DCAF8L2: variants seen among roughly 807,000 people sequenced by gnomAD.
The protein encoded by DCAF8L2 is DDB1 and CUL4 associated factor 8 like 2.
For missense variants in DCAF8L2, 430 were observed against 490.7 expected, an observed-to-expected ratio of 0.88 and a Z score of 1.17; for synonymous variants, 200 against 190.9, an observed-to-expected ratio of 1.05 and a Z score of -0.39.
the DCAF8L2 span, among the ~76,000 whole-genome samples, chrX:27,478,804 A>G: frequency 6.2e-5 from 7 of 112,283 alleles, no homozygotes; most frequent in African/African-American, 2.3e-4. Flanking sequence ...ATTGTTTAGC[A>G]TCTAAAAGAT....
intron 2 of DCAF8L2, among the ~76,000 whole-genome samples, chrX:27,669,138 AAAT>A (rs1929851914): frequency 9.0e-6 from 1 of 111,685 alleles, no homozygotes; most frequent in Admixed American, 9.5e-5. Flanking sequence ...CTATCTTTTA[AAAT>A]AATAATATTC....
At chrX:27,734,467 C>T (rs978143142) in intron 4 of DCAF8L2, among the ~76,000 whole-genome samples, 1 of 111,407 alleles carries the variant, frequency 9.0e-6, no homozygotes, top group Non-Finnish European at 1.9e-5. Flanking sequence ...AGTAAAATGT[C>T]GCCCACCATA....
intron 4 of DCAF8L2, among the ~76,000 whole-genome samples, chrX:27,730,115 AC>A (rs767327157): frequency 3.0e-4 from 34 of 111,547 alleles, no homozygotes; most frequent in Non-Finnish European, 5.5e-4. Context: ...GGAATGACCC[AC>A]CCTTCCCATG....
chrX:27,541,663 T>A, the DCAF8L2 span, among the ~76,000 whole-genome samples: 10,562 of 110,374 alleles, frequency 0.096, 406 homozygotes, highest in Non-Finnish European at 0.12. Flanking sequence ...CCACTGTGCC[T>A]GGCCAAAATT....
At chrX:27,503,842 G>A in the DCAF8L2 span, among the ~76,000 whole-genome samples, 1 of 111,480 alleles carries the variant, frequency 9.0e-6, no homozygotes. Flanking sequence ...TTAAATACAA[G>A]TATAGACTCC....
the DCAF8L2 span, among the ~76,000 whole-genome samples, chrX:27,545,865 C>T: frequency 2.7e-5 from 3 of 111,470 alleles, no homozygotes; most frequent in South Asian, 7.5e-4. Context: ...ATTTATAAAA[C>T]CATCAGATTT....
At chrX:27,576,203 A>G in the DCAF8L2 span, among the ~76,000 whole-genome samples, 3 of 112,123 alleles carry the variant, frequency 2.7e-5, no homozygotes, top group Admixed American at 9.5e-5. Flanking sequence ...TCCTTCAAAA[A>G]TATATAACGT....
At chrX:27,540,787 G>C in the DCAF8L2 span, among the ~76,000 whole-genome samples, 1 of 111,736 alleles carries the variant, frequency 8.9e-6, no homozygotes, top group Non-Finnish European at 1.9e-5. Flanking sequence ...ACCTTGATTT[G>C]ATCATTACAC....
At chrX:27,676,112 C>T (rs1389692659) in intron 2 of DCAF8L2, among the ~76,000 whole-genome samples, 2 of 111,335 alleles carry the variant, frequency 1.8e-5, no homozygotes, top group Non-Finnish European at 3.8e-5. Context: ...GTTCCCAAGC[C>T]CAGAGCAATC....
chrX:27,592,417 G>GTTTTTTTTTTTTTTTTGTTTTTTTTTTT (rs1248208449), intron 1 of DCAF8L2, among the ~76,000 whole-genome samples: 3 of 83,918 alleles, frequency 3.6e-5, no homozygotes, highest in Non-Finnish European at 6.5e-5. Flanking sequence ...GTTTGTTTTT[G>GTTTTTTTTTTTTTTTTGTTTTTTTTTTT]TTTTTTTTTT....
At chrX:27,561,964 C>G in the DCAF8L2 span, among the ~76,000 whole-genome samples, 9,944 of 111,053 alleles carry the variant, frequency 0.09, 369 homozygotes, top group Non-Finnish European at 0.12. Context: ...TATGGTAACT[C>G]CATGGTTAGC....
the DCAF8L2 span, among the ~76,000 whole-genome samples, chrX:27,471,682 A>G: frequency 9.0e-6 from 1 of 111,342 alleles, no homozygotes; most frequent in Non-Finnish European, 1.9e-5. Flanking sequence ...CAGTTTCTCA[A>G]CAGAACTTTC....
At chrX:27,499,689 G>A in the DCAF8L2 span, among the ~76,000 whole-genome samples, 15 of 110,746 alleles carry the variant, frequency 1.4e-4, no homozygotes, top group Admixed American at 1.9e-4. Context: ...AGCGAAGGGG[G>A]AAGTGCTACA....
intron 1 of DCAF8L2, among the ~76,000 whole-genome samples, chrX:27,612,998 T>G (rs1342306005): frequency 8.9e-6 from 1 of 112,031 alleles, no homozygotes; most frequent in African/African-American, 3.2e-5. Context: ...AAGTCATTGG[T>G]AGCTTGATGA....
chrX:27,709,217 A>G (rs1314835631), intron 3 of DCAF8L2, among the ~76,000 whole-genome samples: 4 of 111,602 alleles, frequency 3.6e-5, no homozygotes, highest in Non-Finnish European at 7.5e-5. Flanking sequence ...ACCGCGCCCG[A>G]CCAGTTCCAC....
intron 4 of DCAF8L2, among the ~76,000 whole-genome samples, chrX:27,722,728 G>A (rs1008962028): frequency 1.8e-5 from 2 of 110,545 alleles, no homozygotes; most frequent in African/African-American, 6.5e-5. Context: ...GATAAAAGCA[G>A]GAGGATAACA....
rs1926955420 is a variant in DCAF8L2 at position 27,607,341 on chromosome X, G to T, written c.-342+16901G>T. Among the ~76,000 whole-genome samples the T allele has an allele frequency of 4.5e-5, 5 of 111,029 alleles. No homozygotes were observed. The Admixed American group carries it at 4.8e-4, about 11-fold the overall frequency. On this transcript the variant is annotated intron_variant, in intron 1 of 4. Transcript: ENST00000451261. ...TTTTGTGGAGCCTGCATTACCAAAT[G>T]GTACCAGAAATAATGAAATATGACT...
At chrX:27,499,832 G>T in the DCAF8L2 span, among the ~76,000 whole-genome samples, 43 of 46,074 alleles carry the variant, frequency 9.3e-4, 1 homozygote, top group Non-Finnish European at 5.7e-4. Flanking sequence ...ATGAGATTTG[G>T]TGGTGGGGGG....
chrX:27,551,540 A>G, the DCAF8L2 span, among the ~76,000 whole-genome samples: 2 of 111,637 alleles, frequency 1.8e-5, no homozygotes, highest in Non-Finnish European at 3.8e-5. Context: ...CTTTGTTGCA[A>G]TGGTCTGTAA....
Sources: gnomAD v4.1 joint callset for allele counts (sites outside exome capture counted in the v4.1 genomes callset) on GRCh38, gnomAD v4.1.1 for gene constraint, MANE v1.5 for transcripts, NCBI Gene and HGNC (gene_info 2026-07-23, HGNC 2026-07-21) for gene names.